TMEM196: variants seen among roughly 807,000 people sequenced by gnomAD.
TMEM196 encodes the protein transmembrane protein 196.
A neutral mutation model predicts 20.0 loss-of-function variants in TMEM196; 17 were observed. The observed-to-expected ratio is 0.85, with a 90% CI of 0.58 to 1.27. The LOEUF is 1.27. Ranked by LOEUF, TMEM196 falls within the 50% of genes most tolerant of loss-of-function variation. The pLI is 0.00. For missense variants in TMEM196, 267 were observed against 223.0 expected, an observed-to-expected ratio of 1.20 and a Z score of -1.26; for synonymous variants, 113 against 88.9, an observed-to-expected ratio of 1.27 and a Z score of -1.52.
intron 3 of TMEM196, among the ~76,000 whole-genome samples, chr7:19,724,558 G>T (rs1583413813): frequency 6.6e-6 from 1 of 152,138 alleles, no homozygotes; most frequent in Non-Finnish European, 1.5e-5. Context: ...ATGCATAGCT[G>T]TGTTTAAAAT....
chr7:19,771,375 A>G (rs1785873552), intron 1 of TMEM196, among the ~76,000 whole-genome samples: 1 of 152,184 alleles, frequency 6.6e-6, no homozygotes, highest in Admixed American at 6.5e-5. Flanking sequence ...AAAAACATTT[A>G]TCTCACCTGA....
At chr7:19,751,098 T>A (rs1396026083) in intron 1 of TMEM196, among the ~76,000 whole-genome samples, 1 of 152,222 alleles carries the variant, frequency 6.6e-6, no homozygotes, top group Non-Finnish European at 1.5e-5. Flanking sequence ...CAGAATGGCA[T>A]GATTTTTCCA....
intron 1 of TMEM196, among the ~76,000 whole-genome samples, chr7:19,753,279 G>A (rs1785064311): frequency 6.6e-6 from 1 of 152,022 alleles, no homozygotes; most frequent in African/African-American, 2.4e-5. Context: ...TTAAAGAGAA[G>A]TCTATTTTTT....
intron 1 of TMEM196, among the ~76,000 whole-genome samples, chr7:19,759,047 C>T (rs142852598): frequency 5.2e-4 from 79 of 152,232 alleles, no homozygotes; most frequent in African/African-American, 1.8e-3. Context: ...GGCATGTAAA[C>T]ATGTTCCAAA....
intron 1 of TMEM196, among the ~76,000 whole-genome samples, chr7:19,762,181 T>C (rs1785460832): frequency 6.6e-6 from 1 of 152,074 alleles, no homozygotes; most frequent in Admixed American, 6.6e-5. Context: ...TAAATAAATC[T>C]TAGTTATAGT....
At chr7:19,770,414 T>C (rs1437999833) in intron 1 of TMEM196, among the ~76,000 whole-genome samples, 1 of 152,224 alleles carries the variant, frequency 6.6e-6, no homozygotes, top group Non-Finnish European at 1.5e-5. Context: ...GTTGAGACTG[T>C]ACCATAAATG....
At chr7:19,766,492 G>A (rs573818581) in intron 1 of TMEM196, among the ~76,000 whole-genome samples, 13 of 151,398 alleles carry the variant, frequency 8.6e-5, no homozygotes, top group South Asian at 2.1e-4. Context: ...TTCCATTTGC[G>A]TGAATAGGAT....
intron 1 of TMEM196, among the ~76,000 whole-genome samples, chr7:19,755,303 G>C (rs17452672): frequency 6.6e-6 from 1 of 151,972 alleles, no homozygotes; most frequent in African/African-American, 2.4e-5. Context: ...CCTCCTGGTC[G>C]ACTGCTATTA....
chr7:19,756,436 G>A (rs1785213975), intron 1 of TMEM196, among the ~76,000 whole-genome samples: 1 of 151,854 alleles, frequency 6.6e-6, no homozygotes, highest in African/African-American at 2.4e-5. Flanking sequence ...CTTGTGTCAT[G>A]GTGGTTTGTG....
At chr7:19,754,077 A>T (rs1785102709) in intron 1 of TMEM196, among the ~76,000 whole-genome samples, 1 of 152,150 alleles carries the variant, frequency 6.6e-6, no homozygotes, top group South Asian at 2.1e-4. Flanking sequence ...AGGAATGACT[A>T]CTCTGGAGTC....
intron 1 of TMEM196, among the ~76,000 whole-genome samples, chr7:19,732,827 TATA>T (rs941279636): frequency 4.6e-5 from 7 of 152,224 alleles, no homozygotes; most frequent in African/African-American, 1.2e-4. Flanking sequence ...AGGAATTTGT[TATA>T]ATATTTCAAA....
intron 1 of TMEM196, among the ~76,000 whole-genome samples, chr7:19,733,826 T>C (rs1373900499): frequency 6.6e-6 from 1 of 152,052 alleles, no homozygotes; most frequent in African/African-American, 2.4e-5. Flanking sequence ...GGAAGGAAGG[T>C]ACAGAATACT....
chr7:19,737,941 T>C (rs941040101), intron 1 of TMEM196, among the ~76,000 whole-genome samples: 9 of 151,956 alleles, frequency 5.9e-5, no homozygotes, highest in Admixed American at 3.9e-4. Context: ...ATTAAAAAAT[T>C]AGGGGGTTAG....
rs369147854 is a variant in TMEM196, at chr7:19,767,581, G to A, written c.147+4969C>T. ...AAATAATGGTGCCTGATTTTGATGA[G>A]GGAGTAGGGAAAAGGACTTTAGTTA... On this transcript the variant is annotated intron_variant, in intron 1 of 4. Coordinates refer to ENST00000405844, the MANE Select transcript of TMEM196 (RefSeq NM_001363562.2). Among the ~76,000 whole-genome samples the A allele has an allele frequency of 1.3e-5, 2 of 152,078 alleles. 1 individual carries two copies. Among genetic ancestry groups the A allele is most frequent in the African/African-American group, 4.8e-5 (2 of 41,532 alleles).
intron 2 of TMEM196, among the ~76,000 whole-genome samples, chr7:19,726,688 G>T (rs1034305934): frequency 6.6e-6 from 1 of 151,782 alleles, no homozygotes; most frequent in Admixed American, 6.6e-5. Flanking sequence ...CAAGAATAAT[G>T]CTTTCTGAGA....
chr7:19,739,512 G>A (rs1220655385), intron 1 of TMEM196, among the ~76,000 whole-genome samples: 1 of 152,118 alleles, frequency 6.6e-6, no homozygotes, highest in Non-Finnish European at 1.5e-5. Flanking sequence ...GTTACCTGAA[G>A]ACACAGCTAG....
chr7:19,738,435 C>A (rs1784478352), intron 1 of TMEM196, among the ~76,000 whole-genome samples: 1 of 152,004 alleles, frequency 6.6e-6, no homozygotes, highest in African/African-American at 2.4e-5. Context: ...ACATATATTT[C>A]TTTGCTCTGT....
At chr7:19,745,365 C>T (rs768965428) in intron 1 of TMEM196, among the ~76,000 whole-genome samples, 2 of 152,014 alleles carry the variant, frequency 1.3e-5, no homozygotes, top group Non-Finnish European at 2.9e-5. Context: ...CACCTTGTCA[C>T]AAAATACTCT....
At chr7:19,724,811 C>T (rs998711384) in intron 3 of TMEM196, among the ~76,000 whole-genome samples, 1 of 152,122 alleles carries the variant, frequency 6.6e-6, no homozygotes, top group African/African-American at 2.4e-5. Flanking sequence ...TTCCTCTCTT[C>T]TCTACTAGAT....
Sources: allele counts gnomAD v4.1 joint callset (sites outside exome capture counted in the v4.1 genomes callset), GRCh38; gene constraint gnomAD v4.1.1; transcripts MANE v1.5; gene names NCBI Gene and HGNC (gene_info 2026-07-23, HGNC 2026-07-21).